The following SCRG1 variants were observed in gnomAD, a reference collection of about 807,000 sequenced individuals.
SCRG1 encodes scrapie-responsive protein 1.
A neutral mutation model predicts 7.7 loss-of-function variants in SCRG1; 3 were observed. The ratio of observed to expected loss-of-function variants is 0.39; its 90% CI spans 0.18 to 1.01. The LOEUF (loss-of-function observed/expected upper bound fraction) is 1.01, where lower values mean the gene tolerates loss of function less well. Among genes scored for constraint, SCRG1 ranks in the 50% least tolerant of loss-of-function variants. The pLI is 0.36. For synonymous variants in SCRG1, 46 were observed against 41.2 expected, an observed-to-expected ratio of 1.12 and a Z score of -0.44; for missense variants, 110 against 117.2, an observed-to-expected ratio of 0.94 and a Z score of 0.28.
At chr4:173,425,308 T>C in the SCRG1 span, among the ~76,000 whole-genome samples, 1 of 152,244 alleles carries the variant, frequency 6.6e-6, no homozygotes, top group East Asian at 1.9e-4. Context: ...TTCACATGAC[T>C]AATTAGGAGG....
At chr4:173,484,237 A>G in the SCRG1 span, among the ~76,000 whole-genome samples, 1 of 91,556 alleles carries the variant, frequency 1.1e-5, no homozygotes, top group African/African-American at 4.6e-5. Context: ...ATATATATTT[A>G]TATATTATAT....
upstream of SCRG1, among the ~76,000 whole-genome samples, chr4:173,410,475 A>G (rs1008063554): frequency 1.3e-5 from 2 of 152,242 alleles, no homozygotes; most frequent in Non-Finnish European, 1.5e-5. Context: ...GTTTAAAACC[A>G]GAACCTGTTA....
the SCRG1 span, among the ~76,000 whole-genome samples, chr4:173,499,322 T>A: frequency 6.8e-4 from 103 of 152,294 alleles, 1 homozygote; most frequent in African/African-American, 2.4e-3. The surrounding 1 kb of genome is among the most constrained non-coding windows in gnomAD (Gnocchi z 4.1). Flanking sequence ...AAATTTCACC[T>A]AGAAAAATTA....
the SCRG1 span, among the ~76,000 whole-genome samples, chr4:173,465,960 C>A: frequency 6.6e-6 from 1 of 152,074 alleles, no homozygotes; most frequent in South Asian, 2.1e-4. Context: ...AGTGTCATTT[C>A]CTTTTCTCCA....
chr4:173,482,397 G>A, the SCRG1 span, among the ~76,000 whole-genome samples: 1 of 152,022 alleles, frequency 6.6e-6, no homozygotes, highest in Non-Finnish European at 1.5e-5. Context: ...TTTTTCTGAG[G>A]GGAAGTGTGG....
chr4:173,513,687 G>A, the SCRG1 span, among the ~76,000 whole-genome samples: 1 of 152,200 alleles, frequency 6.6e-6, no homozygotes, highest in East Asian at 1.9e-4. Flanking sequence ...ATTGTATTTG[G>A]TGTGAGGCTC....
the SCRG1 span, among the ~76,000 whole-genome samples, chr4:173,462,421 G>GA: frequency 2.7e-3 from 408 of 152,176 alleles, 2 homozygotes; most frequent in African/African-American, 9.4e-3. Flanking sequence ...AAGTGCTGAA[G>GA]AAAAAAACCC....
upstream of SCRG1, among the ~76,000 whole-genome samples, chr4:173,407,892 G>A (rs999815365): frequency 4.6e-5 from 7 of 152,042 alleles, no homozygotes; most frequent in African/African-American, 1.7e-4. Context: ...CTGCAAACAG[G>A]GAAATTTATA....
chr4:173,407,044 C>T (rs988212868), upstream of SCRG1, among the ~76,000 whole-genome samples: 3 of 151,224 alleles, frequency 2.0e-5, no homozygotes, highest in African/African-American at 7.3e-5. Context: ...CCTGTCTCTA[C>T]TAAAAATACA....
rs3052307 is a variant in SCRG1 at position 173,387,207 on chromosome 4, C to CTT, written c.*1132_*1133dup. 0.95 allele frequency: 144,513 copies of CTT among 152,248 alleles called. 68,778 individuals carry two copies. Among genetic ancestry groups the CTT allele is most frequent in the Non-Finnish European group, 0.98 (67,011 of 68,038 alleles). 9.4% of individuals were successfully genotyped at this position (152,248 alleles called of 1,614,324 possible). A position where few individuals can be genotyped will look rare whatever the true frequency, so the allele number is the denominator to read the frequency against. On this transcript the variant is annotated 3_prime_UTR_variant, in exon 3 of 3. Transcript: ENST00000296506. ...GCATATGGGCTTTGGAATTGGAACTCTTGAAAATCTGCCTTGATTTTTAGC... is the reference window on the plus strand; with the variant it reads ...GCATATGGGCTTTGGAATTGGAACTCTTTTGAAAATCTGCCTTGATTTTTAGC...
the SCRG1 span, among the ~76,000 whole-genome samples, chr4:173,481,864 T>C: frequency 6.6e-6 from 1 of 152,102 alleles, no homozygotes; most frequent in Non-Finnish European, 1.5e-5. Flanking sequence ...CAGTCAACAG[T>C]AGGCTATTAG....
the SCRG1 span, among the ~76,000 whole-genome samples, chr4:173,425,668 C>T: frequency 6.6e-6 from 1 of 152,230 alleles, no homozygotes; most frequent in African/African-American, 2.4e-5. Context: ...GGATTCTGAA[C>T]ATTCGTTCCT....
the SCRG1 span, among the ~76,000 whole-genome samples, chr4:173,484,993 A>T: frequency 1.7e-4 from 6 of 35,782 alleles, no homozygotes; most frequent in African/African-American, 5.9e-4. Flanking sequence ...TATAATATAT[A>T]ATATATTATA....
the SCRG1 span, among the ~76,000 whole-genome samples, chr4:173,462,356 G>A: frequency 3.6e-3 from 434 of 121,102 alleles, 4 homozygotes; most frequent in African/African-American, 0.01. Context: ...ACTTCTGGCA[G>A]CAGACTTTTC....
the SCRG1 span, among the ~76,000 whole-genome samples, chr4:173,422,786 A>T: frequency 1.3e-5 from 2 of 152,226 alleles, no homozygotes; most frequent in African/African-American, 4.8e-5. Context: ...ACCATATATG[A>T]TACCAATCAT....
the SCRG1 span, among the ~76,000 whole-genome samples, chr4:173,503,328 G>A: frequency 6.6e-6 from 1 of 152,152 alleles, no homozygotes; most frequent in Non-Finnish European, 1.5e-5. This position sits in a 1 kb window ranked among gnomAD's most constrained non-coding sequence, Gnocchi z 6.4. Context: ...CTTCCCAGCT[G>A]GATGATAATA....
chr4:173,475,639 C>G, the SCRG1 span, among the ~76,000 whole-genome samples: 2 of 152,130 alleles, frequency 1.3e-5, no homozygotes, highest in Non-Finnish European at 2.9e-5. Context: ...TATCTATACA[C>G]CAATGTTCAT....
At chr4:173,510,226 G>A in the SCRG1 span, among the ~76,000 whole-genome samples, 2 of 152,100 alleles carry the variant, frequency 1.3e-5, no homozygotes, top group Admixed American at 1.3e-4. This position sits in a 1 kb window ranked among gnomAD's most constrained non-coding sequence, Gnocchi z 5.7. Context: ...TCTAACCTGA[G>A]TACTGAAGCC....
Position 173,391,283 on chromosome 4 carries a change from T to A in SCRG1, c.132A>T (p.Gly44=), listed in dbSNP as rs776525832. The change falls in exon 2 of 3, where the codon GGA becomes GGT. Residue 44 remains glycine (G), a synonymous_variant. Coordinates refer to ENST00000296506, the MANE Select transcript of SCRG1 (RefSeq NM_007281.4). The part of the protein sequence containing the change: ...KDHNCHNLPE[G]VADLTQIDVN... ...CATCAATCTGTGTCAGGTCAGCTAC[T>A]CCTTCCGGAAGGTTGTGACAGTTGT... The A allele has an allele frequency of 6.2e-7, 1 of 1,614,064 alleles. No homozygotes were observed. The highest frequency in any genetic ancestry group is 1.3e-5 in the African/African-American group (1 of 74,912).
Sources: gnomAD v4.1 joint callset for allele counts (sites outside exome capture counted in the v4.1 genomes callset) on GRCh38, gnomAD v4.1.1 for gene constraint, Gnocchi (gnomAD v3.1) non-coding constraint, MANE v1.5 for transcripts, NCBI Gene and HGNC (gene_info 2026-07-23, HGNC 2026-07-21) for gene names.